IQCH: variants seen among roughly 807,000 people sequenced by gnomAD.
IQCH encodes IQ domain-containing protein H.
Under a neutral mutation model 117.0 loss-of-function variants are expected in IQCH, and 98 were observed. That is an observed-to-expected ratio of 0.84 (90% CI 0.71 to 0.99). IQCH has a LOEUF of 0.99. Ranked by LOEUF, IQCH falls within the 50% of genes least tolerant of loss-of-function variation. The probability of loss-of-function intolerance (pLI) is 0.00; values close to 1 mark genes in which losing one functional copy is unlikely to be tolerated. For missense variants in IQCH, 1,102 were observed against 1,243.8 expected, an observed-to-expected ratio of 0.89 and a Z score of 1.72; for synonymous variants, 412 against 448.2, an observed-to-expected ratio of 0.92 and a Z score of 1.02.
rs978267977 is a variant in IQCH, at chr15:67,475,967, G to A, written c.2799+149G>A. The A allele has an allele frequency of 1.9e-5, 13 of 681,066 alleles. No individual in the cohort carries two copies. In the Admixed American group the frequency reaches 2.0e-4, roughly 11 times the overall value. The allele number at this position is 681,066 out of a possible 1,614,324, so 42.2% of individuals were successfully genotyped here. Reference sequence around the variant, plus strand: ...GGAAGGCTGATTGCTGCTTGGGGAAGAGCAGATACGCAACTCCACAGAAAG... The same window carrying A: ...GGAAGGCTGATTGCTGCTTGGGGAAAAGCAGATACGCAACTCCACAGAAAG... On this transcript the variant is annotated intron_variant, in intron 18 of 20. Transcript: ENST00000335894. The surrounding 1 kb of genome is among the most constrained non-coding windows in gnomAD (Gnocchi z 5.7).
chr15:67,403,491 A>T lies in IQCH; in HGVS notation c.2097+3186A>T, dbSNP rs888335293. The stretch of plus-strand genomic sequence containing the variant: ...TTTTTTTCTTGGTGACTTGGTACCA[A>T]GCCTATTCTCTTCATCCTACCAGCT... On this transcript the variant is annotated intron_variant, in intron 14 of 20. Coordinates refer to ENST00000335894, the MANE Select transcript of IQCH (RefSeq NM_001031715.3). The surrounding 1 kb of genome is among the most constrained non-coding windows in gnomAD (Gnocchi z 4.8). The T allele has an allele frequency of 5.9e-5, 9 of 152,292 alleles. No individual in the cohort carries two copies. The highest frequency in any genetic ancestry group is 1.9e-4 in the East Asian group (1 of 5,182). 9.4% of individuals were successfully genotyped at this position (152,292 alleles called of 1,614,324 possible).
At position 67,385,037 on chromosome 15, in the gene IQCH, A is replaced by G; in HGVS notation, c.1456+18A>G. Reference sequence around the variant, plus strand: ...CATCTTAGGTACAGTAAATAGTTTTACACAAATGACTCTTTGGAATGTTTA... The same window carrying G: ...CATCTTAGGTACAGTAAATAGTTTTGCACAAATGACTCTTTGGAATGTTTA... On this transcript the variant is annotated intron_variant, in intron 11 of 20. Coordinates refer to ENST00000335894, the MANE Select transcript of IQCH (RefSeq NM_001031715.3). The surrounding 1 kb of genome is among the most constrained non-coding windows in gnomAD (Gnocchi z 4.6). 1 of 1,420,478 alleles carries G rather than the reference A, an allele frequency of 7.0e-7. No individual in the cohort carries two copies. Among genetic ancestry groups the G allele is most frequent in the Non-Finnish European group, 1.0e-6 (1 of 1,005,018 alleles). 88.0% of individuals were successfully genotyped at this position (1,420,478 alleles called of 1,614,324 possible).
rs1966856518 is a variant in IQCH at position 67,297,033 on chromosome 15, A to G, written c.387+17521A>G. 2.6e-5 allele frequency among the ~76,000 whole-genome samples: 4 copies of G among 152,138 alleles called. No individual in the cohort carries two copies. In the South Asian group the frequency reaches 8.3e-4, roughly 32 times the overall value. On this transcript the variant is annotated intron_variant, in intron 4 of 20. Coordinates refer to ENST00000335894, the MANE Select transcript of IQCH (RefSeq NM_001031715.3). ...GGCCACATCTGAATAGAAGTAGGTA[A>G]GCCTTTAGGTTTTGTGAACCTGAGG... is the stretch of plus-strand genomic sequence containing the variant.
rs1970932742 is a variant in IQCH at position 67,381,656 on chromosome 15, TGATCA to T, written c.1373-3277_1373-3273del. ...TTAGAAGAGTTGAAAGAAGGGGGAG[TGATCA>T]GAACACACAGGAGAAAGGGCTAAGA... On this transcript the variant is annotated intron_variant, in intron 10 of 20. Transcript: ENST00000335894. This position sits in a 1 kb window ranked among gnomAD's most constrained non-coding sequence, Gnocchi z 5.1. Among the ~76,000 whole-genome samples, 2 of 151,438 alleles carry T rather than the reference TGATCA, an allele frequency of 1.3e-5. No individual in the cohort carries two copies. Among genetic ancestry groups the T allele is most frequent in the Admixed American group, 1.3e-4 (2 of 15,200 alleles).
At position 67,263,195 on chromosome 15, in the gene IQCH, A is replaced by C. The variant is rs1345313476; in HGVS notation, c.248A>C (p.Tyr83Ser). 1 of 1,565,286 alleles carries C rather than the reference A, an allele frequency of 6.4e-7. No homozygotes were observed. Among genetic ancestry groups the C allele is most frequent in the South Asian group, 1.1e-5 (1 of 89,878 alleles). ...ACTTCTGTTAATGATGAGAGCTTAT[A>C]TACTCCCCAGGCTTCCAAATGGTAA... The part of the protein sequence containing the change: ...LTTSVNDESL[Y>S]TPQASKWLLP... Residue 83 changes from tyrosine to serine, a missense_variant, in exon 3 of 21, where the codon TAT becomes TCT. Physicochemically the swap from Tyr to Ser is moderately radical, Grantham distance 144. This residue lies in a region of IQCH where 452 missense variants were observed against 449.6 expected (regional missense o/e 1.01). Coordinates refer to ENST00000335894, the MANE Select transcript of IQCH (RefSeq NM_001031715.3).
chr15:67,265,792 G>C (rs1443354471), intron 3 of IQCH, among the ~76,000 whole-genome samples: 1 of 152,266 alleles, frequency 6.6e-6, no homozygotes, highest in East Asian at 1.9e-4. Context: ...TTCAGAGTCT[G>C]GCATGGACTG....
At chr15:67,383,241 A>G (rs1006639511) in intron 10 of IQCH, among the ~76,000 whole-genome samples, 5 of 152,180 alleles carry the variant, frequency 3.3e-5, no homozygotes, top group Admixed American at 1.3e-4. Context: ...TTCTACAACA[A>G]TGTTCCAAGA....
intron 10 of IQCH, among the ~76,000 whole-genome samples, chr15:67,379,853 GTTCT>G (rs1481450865): frequency 2.0e-5 from 3 of 151,954 alleles, no homozygotes; most frequent in Non-Finnish European, 4.4e-5. Flanking sequence ...AAATTACTCA[GTTCT>G]TTCTTTTTTT....
At chr15:67,329,528 G>C (rs1968567089) in intron 4 of IQCH, among the ~76,000 whole-genome samples, 1 of 152,076 alleles carries the variant, frequency 6.6e-6, no homozygotes, top group Non-Finnish European at 1.5e-5. Flanking sequence ...CTGGAATGTA[G>C]TGGCATAATC....
At chr15:67,497,051 A>G (rs1454680608) in intron 20 of IQCH, among the ~76,000 whole-genome samples, 2 of 151,020 alleles carry the variant, frequency 1.3e-5, no homozygotes, top group Non-Finnish European at 3.0e-5. Context: ...AAAAAAAAGT[A>G]AAAGTATCTC....
At chr15:67,421,636 C>T in intron 16 of IQCH, 59 bp downstream of exon 16, 13 of 1,530,290 alleles carry the variant, frequency 8.5e-6, no homozygotes, top group Non-Finnish European at 9.9e-6. Context: ...GCACCCTACA[C>T]ACCTACAGTA....
At chr15:67,471,612 A>C (rs2083073198) in intron 17 of IQCH, among the ~76,000 whole-genome samples, 1 of 152,364 alleles carries the variant, frequency 6.6e-6, no homozygotes, top group South Asian at 2.1e-4. Flanking sequence ...TTTATTGGTT[A>C]GTTGGTCAGT....
At chr15:67,289,363 A>T (rs1331267807) in intron 4 of IQCH, among the ~76,000 whole-genome samples, 4 of 152,106 alleles carry the variant, frequency 2.6e-5, no homozygotes, top group Non-Finnish European at 5.9e-5. Context: ...GAGATGATGA[A>T]GGTCTGAATT....
rs538387519 is a variant in IQCH at position 67,416,346 on chromosome 15, C to T, written c.2098-585C>T. ...CAGCCTGACCAACATGGAGAAACCC[C>T]GTCACTACTAAAAATACAAAATTAG... On this transcript the variant is annotated intron_variant, in intron 14 of 20. Coordinates refer to ENST00000335894, the MANE Select transcript of IQCH (RefSeq NM_001031715.3). The surrounding 1 kb of genome is among the most constrained non-coding windows in gnomAD (Gnocchi z 5.1). Among the ~76,000 whole-genome samples, 149 of 151,908 alleles carry T rather than the reference C, an allele frequency of 9.8e-4. 1 individual carries two copies. The highest frequency in any genetic ancestry group is 3.4e-3 in the Middle Eastern group (1 of 294).
At chr15:67,372,081 C>G (rs1596275220) in intron 8 of IQCH, 30 bp from the exon 9 acceptor site, 2 of 1,547,924 alleles carry the variant, frequency 1.3e-6, no homozygotes, top group East Asian at 4.5e-5. Flanking sequence ...ATATCTTTCA[C>G]TTCTAAAATA....
At position 67,438,527 on chromosome 15, in the gene IQCH, C is replaced by T. The variant is rs538902919; in HGVS notation, c.2505+16950C>T. Among the ~76,000 whole-genome samples the T allele has an allele frequency of 2.6e-4, 39 of 152,196 alleles. No homozygotes were observed. In the South Asian group the frequency reaches 6.6e-3, roughly 26 times the overall value. ...AAACAAAATCAAAGTACACAGGCAA[C>T]GAAGAGCAGGATGAATGAAACAGTA... On this transcript the variant is annotated intron_variant, in intron 16 of 20. Transcript: ENST00000335894.
rs972982877 is a variant in IQCH, at chr15:67,404,795, TGGGAGGAAAGA to T, written c.2097+4502_2097+4512del. The T allele has an allele frequency of 2.3e-4, 35 of 152,168 alleles. No individual in the cohort carries two copies. The highest frequency in any genetic ancestry group is 8.0e-4 in the African/African-American group (33 of 41,442). 9.4% of individuals were successfully genotyped at this position (152,168 alleles called of 1,614,324 possible). On this transcript the variant is annotated intron_variant, in intron 14 of 20. Transcript: ENST00000335894. The surrounding 1 kb of genome is among the most constrained non-coding windows in gnomAD (Gnocchi z 4.6). ...ATTCCCAGCTTTCATTTTTTGGCAG[TGGGAGGAAAGA>T]GGGAGGAAAGATTTGTTTGTTTTTA... is the stretch of plus-strand genomic sequence containing the variant.
At chr15:67,389,532 G>T (rs992327630) in intron 12 of IQCH, among the ~76,000 whole-genome samples, 2 of 151,784 alleles carry the variant, frequency 1.3e-5, no homozygotes, top group Admixed American at 1.3e-4. Context: ...ATTCTGAGTG[G>T]AATCCTATTC....
intron 10 of IQCH, among the ~76,000 whole-genome samples, chr15:67,377,871 T>TC (rs1970792131): frequency 6.6e-6 from 1 of 152,146 alleles, no homozygotes; most frequent in Admixed American, 6.5e-5. Flanking sequence ...TTCCATATTT[T>TC]CCCTCTGTGC....
Sources: allele counts gnomAD v4.1 joint callset (sites outside exome capture counted in the v4.1 genomes callset), GRCh38; gene constraint gnomAD v4.1.1; regional missense constraint gnomAD v4.1.1; non-coding constraint Gnocchi (gnomAD v3.1); transcripts MANE v1.5; gene names NCBI Gene and HGNC (gene_info 2026-07-23, HGNC 2026-07-21).